Variants in PRKG1 observed in about 807,000 individuals in gnomAD.
PRKG1 encodes cGMP-dependent protein kinase 1.
In PRKG1, 35 loss-of-function variants were observed where a neutral mutation model predicts 88.1. That is an observed-to-expected ratio of 0.40 (90% CI 0.30 to 0.53). PRKG1 has a LOEUF of 0.53. Among genes scored for constraint, PRKG1 ranks in the 20% least tolerant of loss-of-function variants. The pLI is 0.59. For missense variants in PRKG1, 540 were observed against 839.8 expected (o/e 0.64, Z 4.41); for synonymous variants, 303 against 292.5 (o/e 1.04, Z -0.37).
chr10:50,991,489 G>A lies in PRKG1; in HGVS notation c.111G>A (p.Lys37=). The A allele has an allele frequency of 6.2e-7, 1 of 1,611,086 alleles. No individual in the cohort carries two copies. The highest frequency in any genetic ancestry group is 8.5e-7 in the Non-Finnish European group (1 of 1,178,820). ...AGGAGGAAGAAATTCAGGAGCTGAAGAGGAAACTCCACAAATGCCAGTCGG... is the reference window on the plus strand; with the variant it reads ...AGGAGGAAGAAATTCAGGAGCTGAAAAGGAAACTCCACAAATGCCAGTCGG... The change falls in exon 1 of 18, where the codon AAG becomes AAA. Residue 37 remains lysine, a synonymous_variant. Coordinates refer to the PRKG1 transcript ENST00000401604. This position sits in a 1 kb window ranked among gnomAD's most constrained non-coding sequence, Gnocchi z 4.5.
chr10:51,032,147 C>G (rs1447756349), intron 1 of PRKG1, among the ~76,000 whole-genome samples: 1 of 152,096 alleles, frequency 6.6e-6, no homozygotes, highest in Non-Finnish European at 1.5e-5. Flanking sequence ...TGCCAGTGTC[C>G]TTGGAACTCA....
intron 2 of PRKG1, among the ~76,000 whole-genome samples, chr10:51,445,737 G>A (rs1045801923): frequency 9.2e-5 from 14 of 151,848 alleles, no homozygotes; most frequent in Admixed American, 2.6e-4. Flanking sequence ...AGACTCATAG[G>A]TCTTAAAATG....
At chr10:51,851,775 T>C (rs992250451) in intron 4 of PRKG1, among the ~76,000 whole-genome samples, 2 of 152,214 alleles carry the variant, frequency 1.3e-5, no homozygotes, top group East Asian at 3.9e-4. Context: ...GTTGAGATGC[T>C]GATAATGTTC....
At chr10:52,138,734 A>T (rs767649377) in intron 8 of PRKG1, among the ~76,000 whole-genome samples, 3 of 152,068 alleles carry the variant, frequency 2.0e-5, no homozygotes, top group Non-Finnish European at 4.4e-5. Flanking sequence ...TGAAATTAGG[A>T]GGAAATGTCA....
chr10:51,110,336 A>G (rs1844953969), intron 1 of PRKG1, among the ~76,000 whole-genome samples: 1 of 152,190 alleles, frequency 6.6e-6, no homozygotes, highest in South Asian at 2.1e-4. Flanking sequence ...AGAAACTGTG[A>G]TATATGCACA....
chr10:51,724,750 G>A (rs982708793), intron 3 of PRKG1, among the ~76,000 whole-genome samples: 2 of 151,918 alleles, frequency 1.3e-5, no homozygotes, highest in Non-Finnish European at 2.9e-5. Flanking sequence ...GCTGGAGTGC[G>A]GTGGCACTAT....
chr10:52,098,989 G>T (rs763769529), intron 7 of PRKG1, among the ~76,000 whole-genome samples: 1 of 152,174 alleles, frequency 6.6e-6, no homozygotes, highest in Non-Finnish European at 1.5e-5. Context: ...AGATACCAGA[G>T]AAATTTAACA....
chr10:51,203,796 G>A (rs1383372851), intron 2 of PRKG1, among the ~76,000 whole-genome samples: 2 of 152,202 alleles, frequency 1.3e-5, no homozygotes, highest in East Asian at 3.8e-4. Context: ...CAAAATGAAT[G>A]TTAGTAGACT....
chr10:51,817,506 T>C (rs191551502), intron 4 of PRKG1, among the ~76,000 whole-genome samples: 1 of 152,174 alleles, frequency 6.6e-6, no homozygotes, highest in Non-Finnish European at 1.5e-5. Flanking sequence ...GCTTCATCCA[T>C]GTCCCTGCAT....
chr10:51,348,491 C>T (rs1354165822), intron 2 of PRKG1, among the ~76,000 whole-genome samples: 3 of 152,204 alleles, frequency 2.0e-5, no homozygotes, highest in Non-Finnish European at 2.9e-5. Context: ...CTGACCTTCT[C>T]CATCAAGAGT....
At chr10:51,552,988 A>G (rs2132131252) in intron 3 of PRKG1, among the ~76,000 whole-genome samples, 1 of 151,770 alleles carries the variant, frequency 6.6e-6, no homozygotes, top group South Asian at 2.1e-4. Flanking sequence ...ATGGATCCAA[A>G]ATAACATAAT....
intron 9 of PRKG1, among the ~76,000 whole-genome samples, chr10:52,162,690 T>C (rs1483371366): frequency 2.0e-5 from 3 of 152,102 alleles, no homozygotes; most frequent in African/African-American, 7.2e-5. Flanking sequence ...TGTAGTAACC[T>C]AAAAATCAAA....
At chr10:51,507,939 A>AT (rs138105492) in intron 3 of PRKG1, among the ~76,000 whole-genome samples, 2,639 of 152,120 alleles carry the variant, frequency 0.017, 53 homozygotes, top group African/African-American at 0.044. Context: ...AACATGTGTA[A>AT]TTTTTTTTAA....
intron 1 of PRKG1, among the ~76,000 whole-genome samples, chr10:51,007,089 C>A (rs1842949545): frequency 6.6e-6 from 1 of 152,014 alleles, no homozygotes; most frequent in Admixed American, 6.5e-5. Context: ...CAGGTGCCCA[C>A]CACCACACCT....
intron 2 of PRKG1, among the ~76,000 whole-genome samples, chr10:51,277,558 G>A (rs1306122453): frequency 6.6e-6 from 1 of 152,164 alleles, no homozygotes; most frequent in Non-Finnish European, 1.5e-5. Context: ...TGGACGGTAT[G>A]GCCATTTTCA....
At chr10:51,930,183 A>G (rs1188159439) in intron 5 of PRKG1, among the ~76,000 whole-genome samples, 1 of 152,194 alleles carries the variant, frequency 6.6e-6, no homozygotes, top group Non-Finnish European at 1.5e-5. Context: ...CATTTAGAAT[A>G]GTTAAAATTG....
At chr10:51,545,211 C>A (rs935948333) in intron 3 of PRKG1, among the ~76,000 whole-genome samples, 4 of 152,078 alleles carry the variant, frequency 2.6e-5, no homozygotes, top group African/African-American at 7.2e-5. Context: ...ATGTCATCCT[C>A]CCCTTCCCCC....
At chr10:52,169,154 A>C (rs759017214) in intron 9 of PRKG1, among the ~76,000 whole-genome samples, 1 of 152,172 alleles carries the variant, frequency 6.6e-6, no homozygotes, top group Non-Finnish European at 1.5e-5. Flanking sequence ...GAAAAGAAAG[A>C]CTGAGAAGGA....
chr10:51,365,933 G>A (rs1842579789), intron 2 of PRKG1, among the ~76,000 whole-genome samples: 1 of 144,746 alleles, frequency 6.9e-6, no homozygotes, highest in Admixed American at 6.9e-5. Context: ...AAATTGCTGT[G>A]TAAAAGAGAC....
Sources: allele counts gnomAD v4.1 joint callset (sites outside exome capture counted in the v4.1 genomes callset), GRCh38; gene constraint gnomAD v4.1.1; non-coding constraint Gnocchi (gnomAD v3.1); transcripts MANE v1.5; gene names NCBI Gene and HGNC (gene_info 2026-07-23, HGNC 2026-07-21).